Variants in LY75 observed in about 807,000 individuals in gnomAD.
LY75 encodes C-type lectin domain family 13 member B.
In LY75, 185 loss-of-function variants were observed where a neutral mutation model predicts 231.7. The observed-to-expected ratio is 0.80, with a 90% CI of 0.71 to 0.90. The LOEUF (loss-of-function observed/expected upper bound fraction) is 0.90. Ranked by LOEUF, LY75 falls within the 40% of genes least tolerant of loss-of-function variation. The probability of loss-of-function intolerance (pLI) is 0.00; values close to 1 mark genes in which losing one functional copy is unlikely to be tolerated. For missense variants in LY75, 1,947 were observed against 2,050.2 expected (o/e 0.95, Z 0.97); for synonymous variants, 668 against 689.0 (o/e 0.97, Z 0.48).
intron 11 of LY75, among the ~76,000 whole-genome samples, chr2:159,876,534 A>G (rs779370548): frequency 5.4e-4 from 82 of 152,094 alleles, no homozygotes; most frequent in Non-Finnish European, 9.6e-4. Flanking sequence ...CCTTCTATCC[A>G]CGGTGTGCCC....
chr2:159,873,061 T>C (rs1047167207), intron 12 of LY75, among the ~76,000 whole-genome samples: 1 of 151,916 alleles, frequency 6.6e-6, no homozygotes, highest in Admixed American at 6.6e-5. Context: ...TGCACTGGTG[T>C]GTGAATATTG....
At chr2:159,812,647 A>C (rs1222709880) in intron 31 of LY75, among the ~76,000 whole-genome samples, 1 of 152,132 alleles carries the variant, frequency 6.6e-6, no homozygotes, top group Non-Finnish European at 1.5e-5. Flanking sequence ...TCCTGGGCTC[A>C]AGCCACCCAC....
intron 13 of LY75, among the ~76,000 whole-genome samples, chr2:159,871,113 T>C (rs552331605): frequency 6.6e-6 from 1 of 152,286 alleles, no homozygotes; most frequent in South Asian, 2.1e-4. Context: ...ATATGGCTAT[T>C]AATTTGAGCT....
At chr2:159,822,672 T>C (rs1365024060) in intron 28 of LY75, among the ~76,000 whole-genome samples, 2 of 152,184 alleles carry the variant, frequency 1.3e-5, no homozygotes, top group Non-Finnish European at 2.9e-5. Flanking sequence ...GTATTCTGAC[T>C]GGGAGACATC....
intron 28 of LY75, among the ~76,000 whole-genome samples, chr2:159,831,132 A>G (rs533670045): frequency 6.6e-6 from 1 of 152,326 alleles, no homozygotes; most frequent in South Asian, 2.1e-4. Context: ...TCCAAATCTC[A>G]TGTTGAATTA....
intron 7 of LY75, 106 bp from the exon 8 acceptor site, chr2:159,881,346 T>A: frequency 7.9e-7 from 1 of 1,268,570 alleles, no homozygotes; most frequent in Non-Finnish European, 1.0e-6. Flanking sequence ...TAAGAGCCTT[T>A]GTAGTATTCT....
intron 27 of LY75, 118 bp from the exon 28 acceptor site, chr2:159,831,904 G>A (rs1430036034): frequency 3.9e-6 from 3 of 761,966 alleles, no homozygotes; most frequent in Admixed American, 3.6e-5. Flanking sequence ...AAACAATATT[G>A]GACAATTAGA....
intron 30 of LY75, among the ~76,000 whole-genome samples, chr2:159,816,416 T>C (rs374758976): frequency 6.6e-6 from 1 of 152,360 alleles, no homozygotes; most frequent in African/African-American, 2.4e-5. Context: ...CCTGATTTTC[T>C]ACATGAGGAA....
At chr2:159,875,419 G>A (rs777424421) in intron 12 of LY75, 25 bp downstream of exon 12, 1 of 1,605,582 alleles carries the variant, frequency 6.2e-7, no homozygotes, top group Admixed American at 1.7e-5. Context: ...CTTCATTGAA[G>A]GATAGAATGA....
intron 13 of LY75, among the ~76,000 whole-genome samples, chr2:159,868,236 G>A (rs1289142014): frequency 1.3e-5 from 2 of 152,134 alleles, no homozygotes; most frequent in Non-Finnish European, 2.9e-5. Context: ...TAGGATCAGA[G>A]TACAAATAAA....
At chr2:159,870,373 T>C (rs769195287) in intron 13 of LY75, among the ~76,000 whole-genome samples, 2 of 152,050 alleles carry the variant, frequency 1.3e-5, no homozygotes, top group Non-Finnish European at 2.9e-5. Flanking sequence ...ATTACCTGAG[T>C]CTGGGAGGTT....
intron 25 of LY75, among the ~76,000 whole-genome samples, chr2:159,839,796 A>G (rs1029815546): frequency 1.4e-4 from 21 of 152,156 alleles, no homozygotes; most frequent in African/African-American, 5.1e-4. Context: ...ACTTGAGGTA[A>G]AGAGTTCAAG....
chr2:159,836,093 T>C (rs1434216782), intron 25 of LY75, among the ~76,000 whole-genome samples: 1 of 152,168 alleles, frequency 6.6e-6, no homozygotes, highest in African/African-American at 2.4e-5. Flanking sequence ...CCACCTGGCA[T>C]AGTGGAAAGA....
At chr2:159,837,320 C>T (rs766062675) in intron 25 of LY75, among the ~76,000 whole-genome samples, 67 of 152,194 alleles carry the variant, frequency 4.4e-4, no homozygotes, top group Admixed American at 2.5e-3. Flanking sequence ...TAAAAAAGAA[C>T]GAAATCATCT....
intron 1 of LY75, among the ~76,000 whole-genome samples, chr2:159,901,413 C>T (rs1228804580): frequency 1.3e-5 from 2 of 152,174 alleles, no homozygotes; most frequent in Non-Finnish European, 2.9e-5. Flanking sequence ...GAGACGTGCC[C>T]ATCACCCTTG....
chr2:159,833,297 T>G (rs1683722326), intron 27 of LY75, among the ~76,000 whole-genome samples: 1 of 152,164 alleles, frequency 6.6e-6, no homozygotes, highest in Middle Eastern at 3.2e-3. Flanking sequence ...TTTAATTTTT[T>G]GCAGACAGAA....
chr2:159,829,454 C>T (rs1683580657), intron 28 of LY75, among the ~76,000 whole-genome samples: 1 of 152,150 alleles, frequency 6.6e-6, no homozygotes, highest in African/African-American at 2.4e-5. Flanking sequence ...AATTTCTATT[C>T]ATGGCCCTGC....
At chr2:159,857,530 T>A (rs1684582537) in intron 16 of LY75, among the ~76,000 whole-genome samples, 1 of 151,986 alleles carries the variant, frequency 6.6e-6, no homozygotes, top group Admixed American at 6.6e-5. Context: ...TCACCTGAGG[T>A]CAGGAGTTCG....
chr2:159,861,770 A>AT (rs1355705657), intron 14 of LY75, among the ~76,000 whole-genome samples: 1 of 152,182 alleles, frequency 6.6e-6, no homozygotes, highest in Non-Finnish European at 1.5e-5. Flanking sequence ...AAGATATTTT[A>AT]TTTTTTGTAT....
Sources: gnomAD v4.1 joint callset for allele counts (sites outside exome capture counted in the v4.1 genomes callset) on GRCh38, gnomAD v4.1.1 for gene constraint, MANE v1.5 for transcripts, NCBI Gene and HGNC (gene_info 2026-07-23, HGNC 2026-07-21) for gene names.